Variants in IL1RAPL2 observed in about 807,000 individuals in gnomAD.
IL1RAPL2 encodes interleukin 1 receptor accessory protein like 2.
IL1RAPL2 carries 3 observed loss-of-function variants against 44.1 expected under a neutral mutation model. That is an observed-to-expected ratio of 0.07 (90% CI 0.03 to 0.18). IL1RAPL2 has a LOEUF of 0.18. Ranked by LOEUF, IL1RAPL2 falls within the 10% of genes least tolerant of loss-of-function variation. The pLI is 1.00. For missense variants in IL1RAPL2, 391 were observed against 496.4 expected, an observed-to-expected ratio of 0.79 and a Z score of 2.02; for synonymous variants, 181 against 178.8, an observed-to-expected ratio of 1.01 and a Z score of -0.10.
intron 5 of IL1RAPL2, among the ~76,000 whole-genome samples, chrX:105,394,122 C>T (rs2035545916): frequency 8.9e-6 from 1 of 112,260 alleles, no homozygotes; most frequent in South Asian, 3.6e-4. Flanking sequence ...GCCTAATGGG[C>T]AGGCTAATCA....
chrX:104,614,867 G>A (rs1278586842), intron 1 of IL1RAPL2, among the ~76,000 whole-genome samples: 1 of 111,115 alleles, frequency 9.0e-6, no homozygotes, highest in Non-Finnish European at 1.9e-5. Flanking sequence ...ATCCTTTATG[G>A]GTGTCATTAC....
rs928959739 is a variant in IL1RAPL2, at chrX:104,810,631, A to G, written c.82+151636A>G. Among the ~76,000 whole-genome samples the G allele has an allele frequency of 6.3e-5, 7 of 111,565 alleles. No homozygotes were observed. In the Admixed American group the frequency reaches 6.7e-4, roughly 11 times the overall value. ...TGATGGGAGATGATATGCGTAACAA[A>G]AAAAACTTGTTGTAAGCTAAGATCT... On this transcript the variant is annotated intron_variant, in intron 2 of 10. Transcript: ENST00000372582.
intron 5 of IL1RAPL2, among the ~76,000 whole-genome samples, chrX:105,280,715 C>T (rs2034524827): frequency 9.0e-6 from 1 of 111,589 alleles, no homozygotes; most frequent in African/African-American, 3.3e-5. Flanking sequence ...CAAATCAAAA[C>T]CACAATGAGA....
chrX:105,705,982 G>C (rs2038162650), intron 6 of IL1RAPL2, among the ~76,000 whole-genome samples: 1 of 111,591 alleles, frequency 9.0e-6, no homozygotes. Context: ...GTTGTAGTGT[G>C]TGATTTAATT....
At chrX:105,564,973 C>T (rs1235013129) in intron 6 of IL1RAPL2, among the ~76,000 whole-genome samples, 1 of 112,491 alleles carries the variant, frequency 8.9e-6, no homozygotes, top group Non-Finnish European at 1.9e-5. Context: ...TTGGTGGCTC[C>T]CTGCAAAGGG....
intron 2 of IL1RAPL2, among the ~76,000 whole-genome samples, chrX:104,891,016 T>C (rs999856219): frequency 8.9e-6 from 1 of 112,152 alleles, no homozygotes; most frequent in African/African-American, 3.2e-5. Flanking sequence ...TTTCTACATA[T>C]GGCTAACCAG....
chrX:104,602,382 G>A (rs1424121462), intron 1 of IL1RAPL2, among the ~76,000 whole-genome samples: 1 of 111,542 alleles, frequency 9.0e-6, no homozygotes, highest in Non-Finnish European at 1.9e-5. Flanking sequence ...TGGGTTTCAA[G>A]CACAAAACTG....
At chrX:105,184,648 T>C (rs1357258614) in intron 2 of IL1RAPL2, among the ~76,000 whole-genome samples, 2 of 110,219 alleles carry the variant, frequency 1.8e-5, no homozygotes, top group Non-Finnish European at 3.8e-5. Flanking sequence ...TATTACTGTA[T>C]ACTATACATG....
At chrX:105,735,501 G>T (rs6622001) in intron 7 of IL1RAPL2, among the ~76,000 whole-genome samples, 5,154 of 110,936 alleles carry the variant, frequency 0.046, 305 homozygotes, top group African/African-American at 0.16. Context: ...TTATAACCTC[G>T]ACTCTGAAAC....
At chrX:105,391,760 G>T (rs1221001435) in intron 5 of IL1RAPL2, among the ~76,000 whole-genome samples, 1 of 65,958 alleles carries the variant, frequency 1.5e-5, no homozygotes, top group Non-Finnish European at 2.7e-5. Flanking sequence ...GTCCAACAAT[G>T]ATAGACTGGA....
intron 5 of IL1RAPL2, among the ~76,000 whole-genome samples, chrX:105,282,226 T>C (rs2034537697): frequency 8.9e-6 from 1 of 112,003 alleles, no homozygotes; most frequent in African/African-American, 3.2e-5. Flanking sequence ...GAGGTGGAAA[T>C]GAGTCCGGAG....
intron 2 of IL1RAPL2, among the ~76,000 whole-genome samples, chrX:105,043,152 G>A (rs1280568016): frequency 9.3e-6 from 1 of 107,901 alleles, no homozygotes; most frequent in Non-Finnish European, 1.9e-5. Context: ...TGGGTTCAGC[G>A]CACCAACATG....
At chrX:104,852,828 T>G (rs957941598) in intron 2 of IL1RAPL2, among the ~76,000 whole-genome samples, 1 of 111,855 alleles carries the variant, frequency 8.9e-6, no homozygotes, top group Non-Finnish European at 1.9e-5. Context: ...GATGAATTGC[T>G]TCTGGGATGA....
intron 2 of IL1RAPL2, among the ~76,000 whole-genome samples, chrX:105,169,894 G>A (rs974697195): frequency 9.6e-6 from 1 of 104,513 alleles, no homozygotes; most frequent in Non-Finnish European, 1.9e-5. Context: ...GGGTGGGGAG[G>A]TAGGTTCTGC....
At chrX:105,151,150 TGTGGTGCTTGGTGTCTCTG>T (rs1194495891) in intron 2 of IL1RAPL2, among the ~76,000 whole-genome samples, 1 of 112,184 alleles carries the variant, frequency 8.9e-6, no homozygotes, top group Non-Finnish European at 1.9e-5. Flanking sequence ...ACTGTACAAC[TGTGGTGCTTGGTGTCTCTG>T]GACCACTGCT....
intron 2 of IL1RAPL2, among the ~76,000 whole-genome samples, chrX:105,174,187 G>A (rs139195344): frequency 1.5e-3 from 161 of 110,991 alleles, no homozygotes; most frequent in African/African-American, 4.8e-3. Flanking sequence ...AATCTCCCTT[G>A]TTCCTTCTCT....
intron 1 of IL1RAPL2, among the ~76,000 whole-genome samples, chrX:104,585,271 T>TATTATATAA (rs1355194751): frequency 9.5e-4 from 17 of 17,914 alleles, no homozygotes; most frequent in Admixed American, 2.5e-3. Context: ...ATATAATATA[T>TATTATATAA]TATATATATT....
intron 5 of IL1RAPL2, among the ~76,000 whole-genome samples, chrX:105,399,823 A>G (rs372533225): frequency 9.0e-6 from 1 of 111,304 alleles, no homozygotes. Context: ...CAGACATATT[A>G]TCACACAAAT....
intron 2 of IL1RAPL2, among the ~76,000 whole-genome samples, chrX:104,900,077 G>A (rs191698638): frequency 9.0e-6 from 1 of 111,545 alleles, no homozygotes; most frequent in Non-Finnish European, 1.9e-5. Context: ...AAATCCTCAA[G>A]TGATAAGACA....
Sources: allele counts gnomAD v4.1 joint callset (sites outside exome capture counted in the v4.1 genomes callset), GRCh38; gene constraint gnomAD v4.1.1; transcripts MANE v1.5; gene names NCBI Gene and HGNC (gene_info 2026-07-23, HGNC 2026-07-21).